Variants in ABTB3 observed in about 807,000 individuals in gnomAD.
ABTB3 encodes the protein ankyrin repeat and BTB domain containing 3, also known as ankyrin repeat- and BTB/POZ domain-containing protein 3.
the ABTB3 span, chr12:107,580,768 T>C: frequency 4.9e-6 from 7 of 1,433,138 alleles, no homozygotes; most frequent in South Asian, 1.4e-5. Flanking sequence ...GGGGCGCTGA[T>C]TGGTTTTCCG....
At chr12:107,511,581 G>T in the ABTB3 span, among the ~76,000 whole-genome samples, 1 of 152,186 alleles carries the variant, frequency 6.6e-6, no homozygotes, top group African/African-American at 2.4e-5. Context: ...TGGCGGCAGG[G>T]TTCTAAGAGA....
the ABTB3 span, among the ~76,000 whole-genome samples, chr12:107,571,779 A>G: frequency 2.6e-3 from 400 of 152,346 alleles, 4 homozygotes; most frequent in African/African-American, 8.7e-3. Context: ...TTCCTTAACC[A>G]GGCTGGTCTG....
the ABTB3 span, among the ~76,000 whole-genome samples, chr12:107,595,175 C>T: frequency 1.3e-5 from 2 of 152,186 alleles, no homozygotes; most frequent in African/African-American, 4.8e-5. Context: ...GTGACTCAGA[C>T]AAATTAGTCA....
the ABTB3 span, among the ~76,000 whole-genome samples, chr12:107,339,680 C>CGTGTGT: frequency 6.7e-6 from 1 of 149,138 alleles, no homozygotes; most frequent in Non-Finnish European, 1.5e-5. Context: ...TGTGCATGCA[C>CGTGTGT]GTGTGTGTGT....
chr12:107,633,364 C>T, the ABTB3 span, among the ~76,000 whole-genome samples: 1 of 152,216 alleles, frequency 6.6e-6, no homozygotes, highest in African/African-American at 2.4e-5. Context: ...TAAATTTCTG[C>T]ACTTTATAAG....
At chr12:107,493,880 TC>T in the ABTB3 span, among the ~76,000 whole-genome samples, 1 of 152,184 alleles carries the variant, frequency 6.6e-6, no homozygotes, top group Admixed American at 6.5e-5. Flanking sequence ...TGGAGCAGAT[TC>T]CTTCTCACAG....
chr12:107,439,065 G>T, the ABTB3 span, among the ~76,000 whole-genome samples: 5 of 152,144 alleles, frequency 3.3e-5, no homozygotes, highest in Non-Finnish European at 5.9e-5. Flanking sequence ...GCTACCATTT[G>T]TCTCTTGAAG....
the ABTB3 span, among the ~76,000 whole-genome samples, chr12:107,451,477 C>T: frequency 1.3e-5 from 2 of 151,990 alleles, no homozygotes; most frequent in Non-Finnish European, 2.9e-5. Context: ...CACCTGGTCC[C>T]CTCTAATTCA....
At chr12:107,620,250 TC>T in the ABTB3 span, 1 of 1,524,300 alleles carries the variant, frequency 6.6e-7, no homozygotes, top group South Asian at 1.3e-5. Context: ...AGCCTGCTGT[TC>T]CCCTTTGAGT....
the ABTB3 span, among the ~76,000 whole-genome samples, chr12:107,481,744 T>G: frequency 6.6e-6 from 1 of 152,142 alleles, no homozygotes; most frequent in East Asian, 1.9e-4. Context: ...AGGGACTCGG[T>G]TGATGTCACT....
At chr12:107,516,187 C>T in the ABTB3 span, among the ~76,000 whole-genome samples, 1 of 151,810 alleles carries the variant, frequency 6.6e-6, no homozygotes, top group East Asian at 1.9e-4. Context: ...ATTATGGAAA[C>T]ATTAAAATCT....
chr12:107,498,293 G>C, the ABTB3 span, among the ~76,000 whole-genome samples: 1 of 152,194 alleles, frequency 6.6e-6, no homozygotes, highest in Admixed American at 6.5e-5. Flanking sequence ...GAGTTTTAAA[G>C]TGAAATTAGA....
At chr12:107,320,055 T>A in the ABTB3 span, 1 of 1,509,948 alleles carries the variant, frequency 6.6e-7, no homozygotes, top group Non-Finnish European at 8.9e-7. Flanking sequence ...CAGCACCTGA[T>A]CTGCGGGAAG....
chr12:107,380,474 G>A, the ABTB3 span, among the ~76,000 whole-genome samples: 2 of 152,214 alleles, frequency 1.3e-5, no homozygotes, highest in Non-Finnish European at 2.9e-5. Flanking sequence ...CAGGCTGAGT[G>A]AACCTGAACC....
chr12:107,339,680 C>CGTGTGTGTGT, the ABTB3 span, among the ~76,000 whole-genome samples: 1 of 149,138 alleles, frequency 6.7e-6, no homozygotes, highest in Non-Finnish European at 1.5e-5. Context: ...TGTGCATGCA[C>CGTGTGTGTGT]GTGTGTGTGT....
the ABTB3 span, among the ~76,000 whole-genome samples, chr12:107,458,321 G>A: frequency 6.6e-6 from 1 of 152,214 alleles, no homozygotes. Context: ...TAAGTGACTT[G>A]CATAAGGTCA....
At chr12:107,469,742 T>C in the ABTB3 span, among the ~76,000 whole-genome samples, 1 of 152,326 alleles carries the variant, frequency 6.6e-6, no homozygotes, top group Admixed American at 6.5e-5. Flanking sequence ...AATAATAGCT[T>C]GAATCATTTG....
the ABTB3 span, among the ~76,000 whole-genome samples, chr12:107,348,921 G>T: frequency 6.6e-6 from 1 of 152,184 alleles, no homozygotes; most frequent in Non-Finnish European, 1.5e-5. Flanking sequence ...GGGACCCTAG[G>T]CAGAGTTCCA....
chr12:107,640,421 T>C, the ABTB3 span: 1 of 1,524,662 alleles, frequency 6.6e-7, no homozygotes, highest in Non-Finnish European at 8.9e-7. Flanking sequence ...AAGGTACGTA[T>C]CATCGGTTTT....
Sources: allele counts gnomAD v4.1 joint callset (sites outside exome capture counted in the v4.1 genomes callset), GRCh38; gene constraint gnomAD v4.1.1; transcripts MANE v1.5; gene names NCBI Gene and HGNC (gene_info 2026-07-23, HGNC 2026-07-21).